PDK1: variants seen among roughly 807,000 people sequenced by gnomAD.
PDK1 encodes [Pyruvate dehydrogenase (acetyl-transferring)] kinase isozyme 1, mitochondrial.
Under a neutral mutation model 54.2 loss-of-function variants are expected in PDK1, and 39 were observed. The ratio of observed to expected loss-of-function variants is 0.72; its 90% CI spans 0.56 to 0.94. PDK1 has a LOEUF of 0.94. Among genes scored for constraint, PDK1 ranks in the 40% least tolerant of loss-of-function variants. PDK1 has a pLI of 0.00. For missense variants in PDK1, 552 were observed against 566.0 expected (o/e 0.98, Z 0.25); for synonymous variants, 221 against 207.1 (o/e 1.07, Z -0.58).
At chr2:172,636,294 G>A in the PDK1 span, among the ~76,000 whole-genome samples, 408 of 152,284 alleles carry the variant, frequency 2.7e-3, 2 homozygotes, top group African/African-American at 9.0e-3. Context: ...CTTCTAGTGA[G>A]GGCCTCAGCC....
the PDK1 span, among the ~76,000 whole-genome samples, chr2:172,721,298 G>A: frequency 6.6e-6 from 1 of 152,132 alleles, no homozygotes; most frequent in African/African-American, 2.4e-5. Flanking sequence ...AGGTGTTTTT[G>A]TTTGCTTTCT....
chr2:172,592,247 A>C (rs527560442), intron 9 of PDK1, among the ~76,000 whole-genome samples: 2 of 152,076 alleles, frequency 1.3e-5, no homozygotes, highest in Non-Finnish European at 2.9e-5. Flanking sequence ...TTTTAAATTT[A>C]CCCTGGCTTT....
In PDK1 at chr2:172,562,272, G is replaced by A; in HGVS notation, c.391G>A (p.Asp131Asn). ...TGATTTTAAGGACAAAAGTGCTGAG[G>A]ATGCTAAAGCTATTTATGAGTAAGT... Reference protein sequence around the residue: ...LLDFKDKSAEDAKAIYDFTDT... With the variant: ...LLDFKDKSAENAKAIYDFTDT... The change falls in exon 3 of 11, where the codon GAT becomes AAT. Residue 131 changes from aspartate to asparagine, a missense_variant. Asp to Asn is a conservative substitution (Grantham distance 23). Transcript: ENST00000282077. The A allele has an allele frequency of 6.3e-7, 1 of 1,599,124 alleles. No homozygotes were observed.
At chr2:172,674,820 G>A in the PDK1 span, 1 of 152,274 alleles carries the variant, frequency 6.6e-6, no homozygotes, top group South Asian at 2.1e-4. Flanking sequence ...CTGCCGGGCC[G>A]GGCCCTGGGC....
chr2:172,661,996 T>C, the PDK1 span, among the ~76,000 whole-genome samples: 1 of 152,152 alleles, frequency 6.6e-6, no homozygotes, highest in African/African-American at 2.4e-5. Flanking sequence ...GGAAGAAAAA[T>C]GTTAATGCAG....
the PDK1 span, among the ~76,000 whole-genome samples, chr2:172,692,012 C>A: frequency 3.3e-5 from 5 of 152,290 alleles, no homozygotes; most frequent in African/African-American, 9.6e-5. Flanking sequence ...CTGGATTTCT[C>A]CCCTTTGGCC....
At chr2:172,639,955 G>T in the PDK1 span, among the ~76,000 whole-genome samples, 13 of 152,300 alleles carry the variant, frequency 8.5e-5, no homozygotes, top group South Asian at 4.1e-4. Flanking sequence ...CGTAGACAGG[G>T]CATAGTAATC....
chr2:172,559,287 G>A (rs1025467775), intron 2 of PDK1, among the ~76,000 whole-genome samples: 3 of 152,062 alleles, frequency 2.0e-5, no homozygotes, highest in African/African-American at 7.2e-5. Context: ...TTTGGCTGGG[G>A]GCAGGTGGGG....
the PDK1 span, among the ~76,000 whole-genome samples, chr2:172,701,651 T>G: frequency 4.0e-5 from 5 of 124,350 alleles, no homozygotes; most frequent in African/African-American, 1.6e-4. Flanking sequence ...TTGTTTTGTT[T>G]TTTTTTTTTT....
chr2:172,568,091 T>G (rs1338879921), intron 6 of PDK1, among the ~76,000 whole-genome samples: 3 of 152,070 alleles, frequency 2.0e-5, no homozygotes, highest in Non-Finnish European at 4.4e-5. Context: ...CCCAGCACTT[T>G]GGGAGGCCGA....
chr2:172,575,162 T>A (rs1689509344), intron 8 of PDK1, among the ~76,000 whole-genome samples: 1 of 152,242 alleles, frequency 6.6e-6, no homozygotes, highest in Non-Finnish European at 1.5e-5. Context: ...TGTATTACAT[T>A]GCTTTTTCTA....
intron 7 of PDK1, among the ~76,000 whole-genome samples, chr2:172,570,064 G>T (rs138337512): frequency 6.6e-6 from 1 of 152,110 alleles, no homozygotes; most frequent in Non-Finnish European, 1.5e-5. Flanking sequence ...GGACTCAATC[G>T]CAATTGCTGT....
chr2:172,616,501 C>T, the PDK1 span, among the ~76,000 whole-genome samples: 1 of 152,084 alleles, frequency 6.6e-6, no homozygotes, highest in African/African-American at 2.4e-5. Flanking sequence ...AAACAATGCT[C>T]AGGCATATGA....
intron 1 of PDK1, 76 bp from the exon 2 acceptor site, chr2:172,558,632 C>T (rs72896113): frequency 0.021 from 28,410 of 1,321,652 alleles, 359 homozygotes; most frequent in Middle Eastern, 0.024. Context: ...AACTTCCTCT[C>T]TATTTCTCTC....
At chr2:172,625,451 C>T in the PDK1 span, among the ~76,000 whole-genome samples, 1 of 152,212 alleles carries the variant, frequency 6.6e-6, no homozygotes, top group African/African-American at 2.4e-5. Context: ...TTCATCTAAT[C>T]ATATCATGCA....
chr2:172,686,689 A>C, the PDK1 span, among the ~76,000 whole-genome samples: 66 of 152,308 alleles, frequency 4.3e-4, no homozygotes, highest in Admixed American at 1.0e-3. Context: ...TCTGCTGCTC[A>C]CAATAAATCA....
At chr2:172,621,104 AC>A in the PDK1 span, among the ~76,000 whole-genome samples, 1 of 152,086 alleles carries the variant, frequency 6.6e-6, no homozygotes, top group Non-Finnish European at 1.5e-5. Flanking sequence ...ACATGGCAAA[AC>A]CCCATCTCTA....
Position 172,606,033 on chromosome 2 carries a change from A to G in PDK1, c.*10064A>G, listed in dbSNP as rs1490025224. 1 of 152,168 alleles carries G rather than the reference A, an allele frequency of 6.6e-6. No homozygotes were observed. The highest frequency in any genetic ancestry group is 1.5e-5 in the Non-Finnish European group (1 of 68,040). The allele number at this position is 152,168 out of a possible 1,614,324, so 9.4% of individuals were successfully genotyped here. On this transcript the variant is annotated 3_prime_UTR_variant, in exon 11 of 11. Coordinates refer to ENST00000282077, the MANE Select transcript of PDK1 (RefSeq NM_002610.5). Reference sequence around the variant, plus strand: ...AACTCTGTACTATTATAGACATAAAACCATTTAATTTCATAGATACCTTCA... The same window carrying G: ...AACTCTGTACTATTATAGACATAAAGCCATTTAATTTCATAGATACCTTCA...
chr2:172,701,372 T>C, the PDK1 span, among the ~76,000 whole-genome samples: 1 of 152,224 alleles, frequency 6.6e-6, no homozygotes, highest in African/African-American at 2.4e-5. Context: ...TGGGCAACTG[T>C]CCAAATGAAT....
Sources: allele counts gnomAD v4.1 joint callset (sites outside exome capture counted in the v4.1 genomes callset), GRCh38; gene constraint gnomAD v4.1.1; transcripts MANE v1.5; gene names NCBI Gene and HGNC (gene_info 2026-07-23, HGNC 2026-07-21).